The following PODXL variants were observed in gnomAD, a reference collection of about 807,000 sequenced individuals.
The protein encoded by PODXL is podocalyxin.
A neutral mutation model predicts 48.9 loss-of-function variants in PODXL; 20 were observed. The observed-to-expected ratio is 0.41, with a 90% CI of 0.29 to 0.59. PODXL has a LOEUF of 0.59. PODXL is among the 20% of genes least tolerant of loss of function. The pLI, the probability that PODXL is intolerant of heterozygous loss-of-function variation, is 0.31. For synonymous variants in PODXL, 295 were observed against 287.4 expected (o/e 1.03, Z -0.27); for missense variants, 606 against 675.1 (o/e 0.90, Z 1.13).
chr7:131,515,973 C>T (rs1797988464), intron 1 of PODXL, among the ~76,000 whole-genome samples: 1 of 152,192 alleles, frequency 6.6e-6, no homozygotes, highest in South Asian at 2.1e-4. Flanking sequence ...AAGGCTCACA[C>T]ACTAAAAATA....
chr7:131,509,280 G>T, intron 4 of PODXL, 85 bp downstream of exon 4: 2 of 1,114,806 alleles, frequency 1.8e-6, no homozygotes, highest in Non-Finnish European at 2.7e-6. Context: ...GCCCTGCGTT[G>T]GAGGAAAGAA....
chr7:131,541,938 C>A (rs1421713042), intron 1 of PODXL, among the ~76,000 whole-genome samples: 1 of 152,158 alleles, frequency 6.6e-6, no homozygotes, highest in East Asian at 1.9e-4. Context: ...AACAGCTGAA[C>A]ATTCATCCCC....
chr7:131,546,793 C>T (rs1052399472), intron 1 of PODXL, among the ~76,000 whole-genome samples: 4 of 151,904 alleles, frequency 2.6e-5, no homozygotes, highest in South Asian at 2.1e-4. Context: ...GGGCAGTGCC[C>T]CCTAGGGGTG....
chr7:131,521,826 A>G (rs777965799), intron 1 of PODXL, among the ~76,000 whole-genome samples: 7 of 152,294 alleles, frequency 4.6e-5, no homozygotes, highest in Non-Finnish European at 1.0e-4. Context: ...GAAAGAAAAC[A>G]GCCGGTGCTG....
In PODXL at chr7:131,543,824, C is replaced by G. The variant is rs77992593; in HGVS notation, c.100+12436G>C. Among the ~76,000 whole-genome samples the G allele has an allele frequency of 2.6e-5, 4 of 152,238 alleles. 1 individual carries two copies. The highest frequency in any genetic ancestry group is 2.6e-4 in the Admixed American group (4 of 15,292). On this transcript the variant is annotated intron_variant, in intron 1 of 8. Transcript: ENST00000378555. ...CCCCCCTTCACATTACCCAGGAATC[C>G]GTGGTGTCACTGCCTGTCCCCAGAA...
chr7:131,511,790 G>A (rs1797918315), intron 1 of PODXL, among the ~76,000 whole-genome samples: 1 of 152,162 alleles, frequency 6.6e-6, no homozygotes, highest in Admixed American at 6.5e-5. Flanking sequence ...GAGTGCAGCA[G>A]GGTCAGAAAA....
intron 1 of PODXL, among the ~76,000 whole-genome samples, chr7:131,544,482 C>T (rs1261264109): frequency 6.6e-6 from 1 of 152,206 alleles, no homozygotes. Flanking sequence ...ATCCACAGCA[C>T]AAGCTCTCTA....
intron 1 of PODXL, among the ~76,000 whole-genome samples, chr7:131,516,939 C>T (rs1243283272): frequency 1.3e-5 from 2 of 152,008 alleles, no homozygotes; most frequent in Non-Finnish European, 1.5e-5. Flanking sequence ...AGGCTGGTCT[C>T]GAACTCCTGT....
chr7:131,508,716 A>AG (rs1179496969), intron 5 of PODXL, among the ~76,000 whole-genome samples: 1,023 of 59,642 alleles, frequency 0.017, 18 homozygotes, highest in African/African-American at 0.062. Flanking sequence ...GGGGGGTGGG[A>AG]GGGGGGGGTC....
At chr7:131,553,672 G>A (rs1798699679) in intron 1 of PODXL, among the ~76,000 whole-genome samples, 1 of 152,204 alleles carries the variant, frequency 6.6e-6, no homozygotes, top group Admixed American at 6.5e-5. Context: ...CAAAGTCTGA[G>A]TGTTTCCACC....
At chr7:131,511,553 G>T in intron 1 of PODXL, 120 bp from the exon 2 acceptor site, 1 of 990,800 alleles carries the variant, frequency 1.0e-6, no homozygotes. Flanking sequence ...CCTTGCTAAA[G>T]GCCTGGGTCT....
intron 1 of PODXL, among the ~76,000 whole-genome samples, chr7:131,525,515 C>T (rs752671864): frequency 6.7e-6 from 1 of 149,322 alleles, no homozygotes; most frequent in Non-Finnish European, 1.5e-5. Flanking sequence ...GAGGCAGGAC[C>T]GCTTGAACTG....
At chr7:131,540,919 C>A (rs1310831692) in intron 1 of PODXL, among the ~76,000 whole-genome samples, 3 of 152,154 alleles carry the variant, frequency 2.0e-5, no homozygotes, top group African/African-American at 7.2e-5. Context: ...TGAAATGGAG[C>A]CTGTGAATTT....
intron 5 of PODXL, 63 bp downstream of exon 5, chr7:131,508,888 C>G (rs1479317985): frequency 8.8e-7 from 1 of 1,130,652 alleles, no homozygotes; most frequent in Non-Finnish European, 1.4e-6. Context: ...CATACATTCC[C>G]TCTCCCTCCC....
chr7:131,529,457 T>C (rs756928370), intron 1 of PODXL, among the ~76,000 whole-genome samples: 4 of 151,760 alleles, frequency 2.6e-5, no homozygotes, highest in Non-Finnish European at 5.9e-5. Flanking sequence ...TGACTATTAA[T>C]AGTGGGAAAG....
intron 1 of PODXL, among the ~76,000 whole-genome samples, chr7:131,529,992 C>A (rs1489333969): frequency 6.8e-6 from 1 of 148,096 alleles, no homozygotes; most frequent in African/African-American, 2.6e-5. Flanking sequence ...ATAGGCGGGG[C>A]CTTTCCAAGG....
chr7:131,542,002 T>C lies in PODXL; in HGVS notation c.100+14258A>G, dbSNP rs147568387. Among the ~76,000 whole-genome samples, 75 of 152,294 alleles carry C rather than the reference T, an allele frequency of 4.9e-4. 2 individuals carry two copies. The East Asian group carries it at 9.3e-3, about 19-fold the overall frequency. On this transcript the variant is annotated intron_variant, in intron 1 of 8. Transcript: ENST00000378555. ...GGGGACAGAGGCATGACTGAGTACA[T>C]GCCTCAATGACATACACACACACTC... is the stretch of plus-strand genomic sequence containing the variant.
At chr7:131,547,737 C>T (rs770007868) in intron 1 of PODXL, among the ~76,000 whole-genome samples, 1 of 152,202 alleles carries the variant, frequency 6.6e-6, no homozygotes, top group African/African-American at 2.4e-5. Flanking sequence ...CCCCCCAAAT[C>T]GGCCTCCTCT....
In PODXL at chr7:131,502,627, A is replaced by G. The variant is rs1006409692; in HGVS notation, c.*1684T>C. On this transcript the variant is annotated 3_prime_UTR_variant, in exon 9 of 9. Transcript: ENST00000378555. ...GTGGCGTTTCACCCGAAAAATGGCA[A>G]TTTCATTCCCCTAAGCAGTTCTGCC... 1.3e-5 allele frequency: 2 copies of G among 152,176 alleles called. No individual in the cohort carries two copies. Among genetic ancestry groups the G allele is most frequent in the East Asian group, 1.9e-4 (1 of 5,194 alleles). The allele number at this position is 152,176 out of a possible 1,614,324, so 9.4% of individuals were successfully genotyped here. A position where few individuals can be genotyped will look rare whatever the true frequency, so the allele number is the denominator to read the frequency against.
Sources: gnomAD v4.1 joint callset for allele counts (sites outside exome capture counted in the v4.1 genomes callset) on GRCh38, gnomAD v4.1.1 for gene constraint, MANE v1.5 for transcripts, NCBI Gene and HGNC (gene_info 2026-07-23, HGNC 2026-07-21) for gene names.